SMARCD1: variants seen among roughly 807,000 people sequenced by gnomAD.
SMARCD1 encodes the protein SWI/SNF related BAF chromatin remodeling complex subunit D1, also known as SWI/SNF-related matrix-associated actin-dependent regulator of chromatin subfamily D member 1.
In SMARCD1, 16 loss-of-function variants were observed where a neutral mutation model predicts 70.8. The observed-to-expected ratio is 0.23, with a 90% CI of 0.15 to 0.34. The LOEUF (loss-of-function observed/expected upper bound fraction) is 0.34. SMARCD1 is among the 10% of genes least tolerant of loss of function. SMARCD1 has a pLI of 1.00. For synonymous variants in SMARCD1, 249 were observed against 246.0 expected (o/e 1.01, Z -0.11); for missense variants, 409 against 655.5 (o/e 0.62, Z 4.11).
chr12:50,095,566 A>T (rs1950885468), intron 10 of SMARCD1, among the ~76,000 whole-genome samples: 1 of 152,108 alleles, frequency 6.6e-6, no homozygotes, highest in South Asian at 2.1e-4. Flanking sequence ...ACCTCAGGTG[A>T]TCCACCCGCT....
intron 11 of SMARCD1, among the ~76,000 whole-genome samples, chr12:50,097,891 CAAAAAAAAAAAA>C (rs749628224): frequency 2.4e-5 from 1 of 42,190 alleles, no homozygotes; most frequent in Non-Finnish European, 5.2e-5. Context: ...GACTCCATCT[CAAAAAAAAAAAA>C]AAAAAAAAAG....
rs11443542 is a variant in SMARCD1 at position 50,090,821 on chromosome 12, C to CTTTTTTTTT, written c.1133+243_1133+251dup. On this transcript the variant is annotated intron_variant, in intron 9 of 12. Coordinates refer to ENST00000394963, the MANE Select transcript of SMARCD1 (RefSeq NM_003076.5). ...ATTATTACATTTTATTGTATTTGTG[C>CTTTTTTTTT]TTTTTTTTTTTTTTTTTTTTGGAGA... Among the ~76,000 whole-genome samples, 12 of 102,436 alleles carry CTTTTTTTTT rather than the reference C, an allele frequency of 1.2e-4. 3 individuals are homozygous for CTTTTTTTTT. The highest frequency in any genetic ancestry group is 1.3e-4 in the Non-Finnish European group (7 of 55,346). The allele number at this position is 102,436 out of a possible 152,430, so 67.2% of individuals were successfully genotyped here.
rs527458559 is a variant in SMARCD1 at position 50,096,921 on chromosome 12, C to G, written c.1341C>G (p.Asp447Glu). ...QREFMLSFAR[D>E]PQGFINDWLQ... Reference sequence around the variant, plus strand: ...AGTTCATGCTGAGCTTTGCCAGAGACCCTCAGGGTTTCATCAATGACTGGC... The same window carrying G: ...AGTTCATGCTGAGCTTTGCCAGAGAGCCTCAGGGTTTCATCAATGACTGGC... Residue 447 changes from aspartate to glutamate, a missense_variant, in exon 11 of 13, where the codon GAC becomes GAG. Physicochemically the swap from Asp to Glu is conservative, Grantham distance 45. Around this residue, in one of 2 missense-constraint regions of SMARCD1, gnomAD observed 269 missense variants for 498.6 expected, o/e 0.54. Coordinates refer to ENST00000394963, the MANE Select transcript of SMARCD1 (RefSeq NM_003076.5). The G allele has an allele frequency of 6.2e-7, 1 of 1,613,998 alleles. No individual in the cohort carries two copies. The highest frequency in any genetic ancestry group is 8.5e-7 in the Non-Finnish European group (1 of 1,179,880).
At position 50,086,248 on chromosome 12, in the gene SMARCD1, C is replaced by T; in HGVS notation, c.265C>T (p.Pro89Ser). The change falls in exon 2 of 13, where the codon CCT (proline) becomes TCT (serine). Residue 89 changes from proline (P) to serine (S), a missense_variant. This residue lies in a region of SMARCD1 where 140 missense variants were observed against 156.9 expected (regional missense o/e 0.89). Coordinates refer to ENST00000394963, the MANE Select transcript of SMARCD1 (RefSeq NM_003076.5). The part of the protein sequence containing the change: ...PGYGGNPSVR[P>S]GLAQSGMDQS... The stretch of plus-strand genomic sequence containing the variant: ...CTATGGGGGGAACCCTTCAGTCCGA[C>T]CTGGCCTGGCCCAGTCAGGGATGGA... 2 of 1,613,512 alleles carry T rather than the reference C, an allele frequency of 1.2e-6. No individual in the cohort carries two copies. Among genetic ancestry groups the T allele is most frequent in the Non-Finnish European group, 1.7e-6 (2 of 1,179,560 alleles).
At chr12:50,092,444 G>T (rs191741569) in intron 9 of SMARCD1, among the ~76,000 whole-genome samples, 24 of 149,684 alleles carry the variant, frequency 1.6e-4, no homozygotes, top group Admixed American at 8.0e-4. Flanking sequence ...GGATGGTCTC[G>T]ATCTCTTGGT....
At chr12:50,088,992 C>A (rs992255342) in intron 6 of SMARCD1, 1 of 159,832 alleles carries the variant, frequency 6.3e-6, no homozygotes, top group African/African-American at 2.4e-5. Flanking sequence ...GCAGCAGTTG[C>A]TGTAATTAGA....
At chr12:50,092,231 CTTTCTTTTTT>C (rs1228843179) in intron 9 of SMARCD1, among the ~76,000 whole-genome samples, 2 of 98,372 alleles carry the variant, frequency 2.0e-5, no homozygotes, top group African/African-American at 7.8e-5. Context: ...TCTTTTCTTT[CTTTCTTTTTT>C]TTTTTTTTTT....
At chr12:50,088,191 C>T (rs1417136901) in intron 5 of SMARCD1, 3 of 689,786 alleles carry the variant, frequency 4.3e-6, no homozygotes, top group Non-Finnish European at 7.9e-6. Context: ...GCCTGTGATT[C>T]ATTTCCCCTC....
Position 50,090,412 on chromosome 12 carries a change from G to A in SMARCD1, c.1035+10G>A, listed in dbSNP as rs1327388516. The A allele has an allele frequency of 6.2e-7, 1 of 1,613,762 alleles. No homozygotes were observed. The highest frequency in any genetic ancestry group is 1.7e-5 in the Admixed American group (1 of 59,996). On this transcript the variant is annotated intron_variant, in intron 8 of 12. Coordinates refer to ENST00000394963, the MANE Select transcript of SMARCD1 (RefSeq NM_003076.5). Reference sequence around the variant, plus strand: ...CAAGTACCTGCAGCAGGTAAGTAATGGACCCATTCTTTTGCTAGAATCCAT... The same window carrying A: ...CAAGTACCTGCAGCAGGTAAGTAATAGACCCATTCTTTTGCTAGAATCCAT...
rs146631553 is a variant in SMARCD1, at chr12:50,086,235, C to T, written c.252C>T (p.Asn84=). Residue 84 remains asparagine, a synonymous_variant, in exon 2 of 13, where the codon AAC becomes AAT. Coordinates refer to ENST00000394963, the MANE Select transcript of SMARCD1 (RefSeq NM_003076.5). ...PSMGPPGYGG[N]PSVRPGLAQS... is the part of the protein sequence containing the mutation. Reference sequence around the variant, plus strand: ...TGGGACCCCCTGGCTATGGGGGGAACCCTTCAGTCCGACCTGGCCTGGCCC... The same window carrying T: ...TGGGACCCCCTGGCTATGGGGGGAATCCTTCAGTCCGACCTGGCCTGGCCC... The T allele has an allele frequency of 6.8e-6, 11 of 1,612,402 alleles. No homozygotes were observed. Among genetic ancestry groups the T allele is most frequent in the Middle Eastern group, 1.6e-4 (1 of 6,076 alleles).
intron 6 of SMARCD1, 133 bp from the exon 7 acceptor site, chr12:50,089,751 A>T (rs1950824300): frequency 1.6e-6 from 1 of 613,096 alleles, no homozygotes. Context: ...AGTTTTTTAA[A>T]ATGCCTCATG....
chr12:50,088,257 A>G (rs2137877679), intron 5 of SMARCD1: 2 of 702,370 alleles, frequency 2.8e-6, no homozygotes, highest in South Asian at 1.5e-5. Context: ...TGGTTTGCTT[A>G]ACTTGCCTCA....
At chr12:50,090,205 A>G (rs755312683) in intron 7 of SMARCD1, 36 bp from the exon 8 acceptor site, 2 of 1,575,674 alleles carry the variant, frequency 1.3e-6, no homozygotes, top group South Asian at 2.3e-5. Context: ...AGACGCAGCT[A>G]ACTAGCTTCA....
chr12:50,098,628 A>G (rs1017787972), intron 11 of SMARCD1, 86 bp from the exon 12 acceptor site: 2 of 1,065,296 alleles, frequency 1.9e-6, no homozygotes, highest in Non-Finnish European at 2.8e-6. Flanking sequence ...GGGGAAGGAT[A>G]CAATTTACCC....
intron 9 of SMARCD1, among the ~76,000 whole-genome samples, chr12:50,092,442 T>C (rs1324239886): frequency 6.6e-6 from 1 of 151,164 alleles, no homozygotes; most frequent in Non-Finnish European, 1.5e-5. Flanking sequence ...CAGGATGGTC[T>C]CGATCTCTTG....
chr12:50,099,081 G>T lies in SMARCD1; in HGVS notation c.*81G>T. ...TGCCTGCCTCATAGTATCTGCCTTG[G>T]TCTTGCTTGGGGCGTTCCAGGGGAT... On this transcript the variant is annotated 3_prime_UTR_variant, in exon 13 of 13. Transcript: ENST00000394963. 1 of 1,397,666 alleles carries T rather than the reference G, an allele frequency of 7.2e-7. No homozygotes were observed. Among genetic ancestry groups the T allele is most frequent in the Non-Finnish European group, 1.0e-6 (1 of 985,368 alleles). 86.6% of individuals were successfully genotyped at this position (1,397,666 alleles called of 1,614,324 possible).
At chr12:50,091,106 T>C (rs1488091094) in intron 9 of SMARCD1, among the ~76,000 whole-genome samples, 1 of 152,106 alleles carries the variant, frequency 6.6e-6, no homozygotes, top group East Asian at 1.9e-4. Context: ...CCTCCCAAAG[T>C]GCTCGGATTA....
chr12:50,098,656 A>C (rs1950913175), intron 11 of SMARCD1, 58 bp from the exon 12 acceptor site: 9 of 1,380,842 alleles, frequency 6.5e-6, no homozygotes, highest in Non-Finnish European at 9.3e-6. Flanking sequence ...GGTGTGAAGG[A>C]AGGAAACAAG....
intron 11 of SMARCD1, among the ~76,000 whole-genome samples, chr12:50,097,611 G>C (rs1475976761): frequency 6.6e-6 from 1 of 151,600 alleles, no homozygotes; most frequent in African/African-American, 2.4e-5. Flanking sequence ...ACATTATCAG[G>C]CCAGGTGCGG....
Sources: gnomAD v4.1 joint callset for allele counts (sites outside exome capture counted in the v4.1 genomes callset) on GRCh38, gnomAD v4.1.1 for gene constraint, gnomAD v4.1.1 regional missense constraint, MANE v1.5 for transcripts, NCBI Gene and HGNC (gene_info 2026-07-23, HGNC 2026-07-21) for gene names.